The following DNAH11 variants were observed in gnomAD, a reference collection of about 807,000 sequenced individuals.
DNAH11 encodes the protein axonemal beta dynein heavy chain 11.
Under a neutral mutation model 526.0 loss-of-function variants are expected in DNAH11, and 442 were observed. That is an observed-to-expected ratio of 0.84 (90% confidence interval 0.78 to 0.91). The LOEUF is 0.91. Among genes scored for constraint, DNAH11 ranks in the 40% least tolerant of loss-of-function variants. The pLI is 0.00. For synonymous variants in DNAH11, 2,461 were observed against 1,935.9 expected, an observed-to-expected ratio of 1.27 and a Z score of -7.12; for missense variants, 6,989 against 5,448.7, an observed-to-expected ratio of 1.28 and a Z score of -8.90.
At chr7:21,737,700 A>C (rs1323600181) in intron 46 of DNAH11, among the ~76,000 whole-genome samples, 1 of 152,186 alleles carries the variant, frequency 6.6e-6, no homozygotes, top group East Asian at 1.9e-4. Flanking sequence ...GGACCAGGAG[A>C]GAGAGACTAC....
intron 42 of DNAH11, among the ~76,000 whole-genome samples, chr7:21,716,329 A>T (rs1054934166): frequency 1.3e-5 from 2 of 152,186 alleles, no homozygotes; most frequent in African/African-American, 4.8e-5. Context: ...ACTAATGAGT[A>T]ACGTTTATTG....
At chr7:21,765,861 TCA>T (rs1787164518) in intron 55 of DNAH11, among the ~76,000 whole-genome samples, 1 of 152,212 alleles carries the variant, frequency 6.6e-6, no homozygotes. Flanking sequence ...GAGTATGTTC[TCA>T]CTCATGCACT....
chr7:21,562,729 T>C (rs77567921), intron 5 of DNAH11, among the ~76,000 whole-genome samples: 1 of 152,094 alleles, frequency 6.6e-6, no homozygotes, highest in African/African-American at 2.4e-5. Context: ...TACGATTATA[T>C]AATTTTGACA....
Position 21,861,862 on chromosome 7 carries a change from G to T in DNAH11, c.11212G>T (p.Val3738Leu), listed in dbSNP as rs777903360. ...LYQFSLKAFN[V>L]LFHRAIEQAD... ...ACATTAAATTTCCCAGGCTTTTAAC[G>T]TGCTGTTCCACAGAGCGATCGAGCA... The change falls in exon 69 of 82, where the codon GTG (valine) becomes TTG (leucine). Residue 3738 changes from valine (V) to leucine (L), a missense_variant. Val to Leu is a conservative substitution (Grantham distance 32). Transcript: ENST00000409508. 6.2e-7 allele frequency: 1 copy of T among 1,611,108 alleles called. No homozygotes were observed. Among genetic ancestry groups the T allele is most frequent in the Admixed American group, 1.7e-5 (1 of 59,526 alleles).
At position 21,570,258 on chromosome 7, in the gene DNAH11, T is replaced by C. The variant is rs748697831; in HGVS notation, c.1384T>C (p.Cys462Arg). The C allele has an allele frequency of 4.3e-6, 7 of 1,611,058 alleles. No homozygotes were observed. Among genetic ancestry groups the C allele is most frequent in the African/African-American group, 4.0e-5 (3 of 74,712 alleles). The change falls in exon 7 of 82, where the codon TGC becomes CGC. Residue 462 changes from cysteine (C) to arginine (R), a missense_variant. Transcript: ENST00000409508. Reference sequence around the variant, plus strand: ...GGATTTCCAGTCTCATCTGGTGTTTTGCAGATTTGACAAGTTTCTTGATCG... The same window carrying C: ...GGATTTCCAGTCTCATCTGGTGTTTCGCAGATTTGACAAGTTTCTTGATCG... ...PWDFQSHLVF[C>R]RFDKFLDRLI...
At chr7:21,764,571 A>T (rs2128497887) in intron 54 of DNAH11, among the ~76,000 whole-genome samples, 1 of 152,270 alleles carries the variant, frequency 6.6e-6, no homozygotes, top group East Asian at 1.9e-4. Flanking sequence ...GAAGGAAAGG[A>T]TGCTCACTGA....
At chr7:21,610,793 A>C (rs771764276) in intron 20 of DNAH11, among the ~76,000 whole-genome samples, 13 of 152,240 alleles carry the variant, frequency 8.5e-5, no homozygotes, top group Non-Finnish European at 1.3e-4. Context: ...ATTACATTGG[A>C]GGAAATCACT....
chr7:21,547,694 C>CCATG (rs1417924888), intron 2 of DNAH11, among the ~76,000 whole-genome samples: 2 of 152,200 alleles, frequency 1.3e-5, no homozygotes, highest in Non-Finnish European at 2.9e-5. Flanking sequence ...CATGCATGAG[C>CCATG]CATGAGGTTT....
intron 8 of DNAH11, among the ~76,000 whole-genome samples, chr7:21,576,308 C>T (rs886833850): frequency 2.0e-5 from 3 of 152,150 alleles, no homozygotes; most frequent in African/African-American, 7.2e-5. Flanking sequence ...GCAAGCACGG[C>T]GGCCACAAAC....
chr7:21,848,882 T>C (rs2128021371), intron 66 of DNAH11, among the ~76,000 whole-genome samples: 1 of 152,236 alleles, frequency 6.6e-6, no homozygotes, highest in African/African-American at 2.4e-5. Context: ...TCTAACTCCA[T>C]TTTCTTTTTT....
chr7:21,854,246 C>CGAA, intron 67 of DNAH11, 69 bp from the exon 68 acceptor site: 1 of 1,532,296 alleles, frequency 6.5e-7, no homozygotes, highest in East Asian at 2.3e-5. Flanking sequence ...TACGTCCTTC[C>CGAA]ATTCCTTGGA....
At position 21,807,953 on chromosome 7, in the gene DNAH11, T is replaced by C; in HGVS notation, c.10236T>C (p.Leu3412=). Residue 3412 remains leucine, a synonymous_variant, in exon 63 of 82, where the codon CTT becomes CTC. Transcript: ENST00000409508. ...AGAAGACACTCTGTGGAGATGTTCT[T>C]CTCACGGCGGCATTTGTGTCTTACG... The part of the protein sequence containing the change: ...AQEKTLCGDV[L]LTAAFVSYVG... 6.2e-7 allele frequency: 1 copy of C among 1,609,260 alleles called. No individual in the cohort carries two copies. Among genetic ancestry groups the C allele is most frequent in the Non-Finnish European group, 8.5e-7 (1 of 1,176,816 alleles).
chr7:21,610,761 A>T (rs907293130), intron 20 of DNAH11, among the ~76,000 whole-genome samples: 1 of 152,174 alleles, frequency 6.6e-6, no homozygotes, highest in Admixed American at 6.5e-5. Context: ...TTAAAATTGG[A>T]AAGAGAATTA....
chr7:21,848,755 G>A (rs1317820187), intron 66 of DNAH11, among the ~76,000 whole-genome samples: 2 of 151,828 alleles, frequency 1.3e-5, no homozygotes, highest in African/African-American at 2.4e-5. Context: ...TATGATTCTA[G>A]TATCTCTTCT....
chr7:21,717,376 A>C (rs566447461), intron 42 of DNAH11, among the ~76,000 whole-genome samples: 2 of 152,126 alleles, frequency 1.3e-5, no homozygotes, highest in Non-Finnish European at 2.9e-5. Flanking sequence ...CTGATTTCTT[A>C]TTACTAAATA....
At position 21,711,731 on chromosome 7, in the gene DNAH11, A is replaced by G. The variant is rs747384428; in HGVS notation, c.6854A>G (p.Asn2285Ser). ...DDNKVLTLAS[N>S]ERIALTPFMR... ...CTCCAGGTGCTGACCCTCGCCAGCA[A>G]TGAGCGCATTGCACTCACTCCCTTC... The change falls in exon 42 of 82, where the codon AAT becomes AGT. Residue 2285 changes from asparagine to serine, a missense_variant. Coordinates refer to ENST00000409508, the MANE Select transcript of DNAH11 (RefSeq NM_001277115.2). 12 of 1,613,634 alleles carry G rather than the reference A, an allele frequency of 7.4e-6. No homozygotes were observed. Among genetic ancestry groups the G allele is most frequent in the Admixed American group, 3.3e-5 (2 of 59,976 alleles).
At chr7:21,626,745 CTTTTTTT>C (rs34136253) in intron 25 of DNAH11, among the ~76,000 whole-genome samples, 1 of 66,382 alleles carries the variant, frequency 1.5e-5, no homozygotes, top group South Asian at 7.8e-4. Flanking sequence ...TTCTGTATGT[CTTTTTTT>C]TTTTTTTTTT....
chr7:21,732,364 G>A (rs1785420239), intron 45 of DNAH11, among the ~76,000 whole-genome samples: 1 of 152,050 alleles, frequency 6.6e-6, no homozygotes, highest in Non-Finnish European at 1.5e-5. Context: ...CAGTCCAATG[G>A]CTTCATTTTA....
intron 14 of DNAH11, among the ~76,000 whole-genome samples, chr7:21,593,146 CAG>C (rs994777111): frequency 3.9e-5 from 6 of 152,088 alleles, no homozygotes; most frequent in Non-Finnish European, 8.8e-5. Flanking sequence ...GAAAATCCCA[CAG>C]AGGATACTGA....
Sources: allele counts gnomAD v4.1 joint callset (sites outside exome capture counted in the v4.1 genomes callset), GRCh38; gene constraint gnomAD v4.1.1; transcripts MANE v1.5; gene names NCBI Gene and HGNC (gene_info 2026-07-23, HGNC 2026-07-21).